SH3PXD2A: variants seen among roughly 807,000 people sequenced by gnomAD.
SH3PXD2A encodes the protein SH3 and PX domain-containing protein 2A.
SH3PXD2A carries 32 observed loss-of-function variants against 115.2 expected under a neutral mutation model. The ratio of observed to expected loss-of-function variants is 0.28; its 90% CI spans 0.21 to 0.37. The LOEUF (loss-of-function observed/expected upper bound fraction) is 0.37, where lower values mean the gene tolerates loss of function less well. SH3PXD2A is among the 10% of genes least tolerant of loss of function. The pLI, the probability that SH3PXD2A is intolerant of heterozygous loss-of-function variation, is 1.00. For synonymous variants in SH3PXD2A, 610 were observed against 629.1 expected (o/e 0.97, Z 0.45); for missense variants, 1,328 against 1,498.7 (o/e 0.89, Z 1.88).
chr10:103,685,300 CT>C (rs2037662994), intron 6 of SH3PXD2A, among the ~76,000 whole-genome samples: 1 of 137,776 alleles, frequency 7.3e-6, no homozygotes, highest in African/African-American at 2.8e-5. Flanking sequence ...GATTGTGCCA[CT>C]GCACTCCAGC....
At chr10:103,848,072 C>T (rs550382483) in intron 1 of SH3PXD2A, among the ~76,000 whole-genome samples, 71 of 152,274 alleles carry the variant, frequency 4.7e-4, no homozygotes, top group African/African-American at 1.6e-3. Flanking sequence ...CCAGAACCTA[C>T]GAGGATGGGC....
chr10:103,809,617 C>A (rs2039244379), intron 1 of SH3PXD2A, among the ~76,000 whole-genome samples: 1 of 152,034 alleles, frequency 6.6e-6, no homozygotes. Context: ...TCAGTGCCTG[C>A]CTTTGTTTGC....
At chr10:103,720,666 T>C (rs1475995546) in intron 5 of SH3PXD2A, among the ~76,000 whole-genome samples, 1 of 152,206 alleles carries the variant, frequency 6.6e-6, no homozygotes, top group Non-Finnish European at 1.5e-5. Flanking sequence ...CAAAATATGC[T>C]GTTACTCGAT....
chr10:103,834,966 TTTATTGCAGGATAA>T (rs2134308623), intron 1 of SH3PXD2A, among the ~76,000 whole-genome samples: 1 of 152,312 alleles, frequency 6.6e-6, no homozygotes, highest in South Asian at 2.1e-4. Context: ...GGCCTGGGAA[TTTATTGCAGGATAA>T]TTTTTCAACA....
At position 103,598,484 on chromosome 10, in the gene SH3PXD2A, A is replaced by G. The variant is rs1287760484; in HGVS notation, c.*3332T>C. On this transcript the variant is annotated 3_prime_UTR_variant, in exon 15 of 15. Transcript: ENST00000369774. ...AGCACCAAATGCTGCATCTTCGGGC[A>G]TTATATGAACCTCAATAATGACCTC... 6.5e-6 allele frequency: 1 copy of G among 152,708 alleles called. No homozygotes were observed. The highest frequency in any genetic ancestry group is 1.5e-5 in the Non-Finnish European group (1 of 68,052). 9.5% of individuals were successfully genotyped at this position (152,708 alleles called of 1,614,324 possible). A position where few individuals can be genotyped will look rare whatever the true frequency, so the allele number is the denominator to read the frequency against.
At chr10:103,839,687 G>A (rs917714769) in intron 1 of SH3PXD2A, among the ~76,000 whole-genome samples, 4 of 151,726 alleles carry the variant, frequency 2.6e-5, no homozygotes, top group Non-Finnish European at 5.9e-5. Context: ...TCAGGCAGTC[G>A]GCCTCCCACT....
chr10:103,702,596 C>CGTGTGTGTGTGTGTGTGTGTGTGTGT lies in SH3PXD2A; in HGVS notation c.399-9541_399-9540insACACACACACACACACACACACACAC, dbSNP rs6144056. Among the ~76,000 whole-genome samples, 1,204 of 147,530 alleles carry CGTGTGTGTGTGTGTGTGTGTGTGTGT rather than the reference C, an allele frequency of 8.2e-3. 34 individuals are homozygous for CGTGTGTGTGTGTGTGTGTGTGTGTGT. The highest frequency in any genetic ancestry group is 0.079 in the East Asian group (383 of 4,876). ...GAACAGATGTAAGCCTGTGTGTGTGCGTGTGTGTGTGTGTGTGCATGCTGG... is the reference window on the plus strand; with the variant it reads ...GAACAGATGTAAGCCTGTGTGTGTGCGTGTGTGTGTGTGTGTGTGTGTGTGTGTGTGTGTGTGTGTGTGCATGCTGG... On this transcript the variant is annotated intron_variant, in intron 5 of 14. Transcript: ENST00000369774.
At chr10:103,786,298 T>C (rs2038980759) in intron 2 of SH3PXD2A, among the ~76,000 whole-genome samples, 1 of 152,178 alleles carries the variant, frequency 6.6e-6, no homozygotes, top group Non-Finnish European at 1.5e-5. Context: ...GTCTGAATCC[T>C]GGCTCCTCCA....
At chr10:103,755,638 T>A (rs2038631959) in intron 3 of SH3PXD2A, among the ~76,000 whole-genome samples, 1 of 152,072 alleles carries the variant, frequency 6.6e-6, no homozygotes, top group African/African-American at 2.4e-5. Context: ...TAGCTACCCA[T>A]CTCAGCCACG....
At chr10:103,774,648 T>C (rs1471779165) in intron 2 of SH3PXD2A, among the ~76,000 whole-genome samples, 1 of 152,236 alleles carries the variant, frequency 6.6e-6, no homozygotes, top group African/African-American at 2.4e-5. Context: ...TATTTTTCTC[T>C]GAAAAGTGTT....
chr10:103,613,445 C>T (rs953898699), intron 11 of SH3PXD2A, among the ~76,000 whole-genome samples: 4 of 152,232 alleles, frequency 2.6e-5, no homozygotes, highest in African/African-American at 9.6e-5. Context: ...CTCTCATGTT[C>T]TGCAAAGTCA....
intron 1 of SH3PXD2A, among the ~76,000 whole-genome samples, chr10:103,848,451 A>G (rs1036645317): frequency 1.3e-5 from 2 of 152,112 alleles, no homozygotes; most frequent in Admixed American, 6.5e-5. Flanking sequence ...GTGACTATTT[A>G]GCTCCCTCTC....
intron 13 of SH3PXD2A, among the ~76,000 whole-genome samples, chr10:103,607,340 AG>A (rs1376736642): frequency 6.7e-6 from 1 of 149,942 alleles, no homozygotes; most frequent in Non-Finnish European, 1.5e-5. Flanking sequence ...TCCGACCGGC[AG>A]CTGCCCCGTC....
At chr10:103,771,764 C>G (rs2038824002) in intron 2 of SH3PXD2A, among the ~76,000 whole-genome samples, 1 of 151,820 alleles carries the variant, frequency 6.6e-6, no homozygotes, top group South Asian at 2.1e-4. Flanking sequence ...CACACACACA[C>G]ACACACACAC....
At chr10:103,723,542 CAG>C (rs2038207148) in intron 5 of SH3PXD2A, among the ~76,000 whole-genome samples, 1 of 152,146 alleles carries the variant, frequency 6.6e-6, no homozygotes, top group Non-Finnish European at 1.5e-5. Flanking sequence ...ATCCCAATTT[CAG>C]AGAGAAAAAA....
chr10:103,632,593 T>C (rs538351886), intron 8 of SH3PXD2A, among the ~76,000 whole-genome samples: 1 of 136,530 alleles, frequency 7.3e-6, no homozygotes, highest in Admixed American at 7.5e-5. Flanking sequence ...ACCTAGGTGG[T>C]ATTTGAGCCT....
At chr10:103,829,976 C>T (rs907232980) in intron 1 of SH3PXD2A, among the ~76,000 whole-genome samples, 1 of 152,202 alleles carries the variant, frequency 6.6e-6, no homozygotes, top group Non-Finnish European at 1.5e-5. Context: ...GAATGGGTGA[C>T]ATCTGGGGAA....
chr10:103,837,368 T>C (rs2039555324), intron 1 of SH3PXD2A, among the ~76,000 whole-genome samples: 1 of 152,180 alleles, frequency 6.6e-6, no homozygotes, highest in Non-Finnish European at 1.5e-5. Context: ...TTTGCTATCC[T>C]AGTTGGGTTC....
rs112052498 is a variant in SH3PXD2A, at chr10:103,620,637, G to C, written c.802+1833C>G. Among the ~76,000 whole-genome samples, 406 of 152,312 alleles carry C rather than the reference G, an allele frequency of 2.7e-3. 2 individuals are homozygous for C. Among genetic ancestry groups the C allele is most frequent in the Admixed American group, 5.2e-3 (80 of 15,300 alleles). On this transcript the variant is annotated intron_variant, in intron 10 of 14. Transcript: ENST00000369774. The surrounding 1 kb of genome is among the most constrained non-coding windows in gnomAD (Gnocchi z 5.3). ...GCAAGCGTCTCCAAGCCAACTCTCT[G>C]CAAGTTTTTCTTGGCTGCCTGGTTT...
Sources: gnomAD v4.1 joint callset for allele counts (sites outside exome capture counted in the v4.1 genomes callset) on GRCh38, gnomAD v4.1.1 for gene constraint, Gnocchi (gnomAD v3.1) non-coding constraint, MANE v1.5 for transcripts, NCBI Gene and HGNC (gene_info 2026-07-23, HGNC 2026-07-21) for gene names.